Variants in RASA2 observed in about 807,000 individuals in gnomAD.
RASA2 encodes ras GTPase-activating protein 2.
RASA2 carries 155 observed loss-of-function variants against 118.2 expected under a neutral mutation model. The observed-to-expected ratio is 1.31, with a 90% CI of 1.15 to 1.50. The LOEUF is 1.50. RASA2 is among the 40% of genes most tolerant of loss of function. The pLI is 0.00. For missense variants in RASA2, 1,016 were observed against 1,009.6 expected (o/e 1.01, Z -0.09); for synonymous variants, 353 against 349.1 (o/e 1.01, Z -0.12).
chr3:141,554,029 A>G, intron 6 of RASA2, 89 bp downstream of exon 6: 1 of 1,491,638 alleles, frequency 6.7e-7, no homozygotes, highest in Non-Finnish European at 8.9e-7. Flanking sequence ...CAAATGATAA[A>G]TAGCTATTTA....
chr3:141,496,418 A>C (rs1483801330), intron 1 of RASA2, among the ~76,000 whole-genome samples: 1 of 152,254 alleles, frequency 6.6e-6, no homozygotes, highest in African/African-American at 2.4e-5. Context: ...CAATCTACTC[A>C]TCTGACAAAG....
intron 19 of RASA2, among the ~76,000 whole-genome samples, chr3:141,606,729 A>G (rs1294265752): frequency 6.6e-6 from 1 of 152,174 alleles, no homozygotes; most frequent in Non-Finnish European, 1.5e-5. Flanking sequence ...AGACAAAAAA[A>G]AAAGAAACAT....
intron 17 of RASA2, among the ~76,000 whole-genome samples, chr3:141,582,888 A>T (rs978244508): frequency 1.3e-5 from 2 of 152,244 alleles, no homozygotes; most frequent in Non-Finnish European, 2.9e-5. Flanking sequence ...CAGAGTTTAG[A>T]AAGGATAACC....
At chr3:141,500,330 T>C (rs900842875) in intron 1 of RASA2, among the ~76,000 whole-genome samples, 4 of 152,252 alleles carry the variant, frequency 2.6e-5, no homozygotes, top group Non-Finnish European at 4.4e-5. Flanking sequence ...ACAGTTCTTC[T>C]CTTCCTTTCT....
At chr3:141,598,250 T>C (rs1294221586) in intron 19 of RASA2, among the ~76,000 whole-genome samples, 4 of 152,194 alleles carry the variant, frequency 2.6e-5, no homozygotes, top group African/African-American at 9.6e-5. Context: ...AAAAAATACA[T>C]ATAATGAATT....
rs1314080208 is a variant in RASA2 at position 141,607,544 on chromosome 3, T to C, written c.1934-134T>C. 3.0e-5 allele frequency: 27 copies of C among 889,914 alleles called. 1 individual carries two copies. Among genetic ancestry groups the C allele is most frequent in the Non-Finnish European group, 4.1e-5 (27 of 656,094 alleles). 55.1% of individuals were successfully genotyped at this position (889,914 alleles called of 1,614,324 possible). ...GAAACAAATATTTATATATATGCCA[T>C]TTGTAAGTCTTCTGTAGGTTATTTA... On this transcript the variant is annotated intron_variant, in intron 19 of 23. Transcript: ENST00000286364.
Position 141,570,994 on chromosome 3 carries a change from A to G in RASA2, c.946A>G (p.Thr316Ala), listed in dbSNP as rs762525788. The G allele has an allele frequency of 8.1e-6, 13 of 1,612,566 alleles. No homozygotes were observed. Among genetic ancestry groups the G allele is most frequent in the Middle Eastern group, 1.6e-4 (1 of 6,080 alleles). Residue 316 changes from threonine to alanine, a missense_variant, in exon 10 of 24, where the codon ACA becomes GCA. Around this residue, in one of 2 missense-constraint regions of RASA2, gnomAD observed 896 missense variants for 836.4 expected, o/e 1.07. Transcript: ENST00000286364. ...LGSLRLNICY[T>A]EDYVLPSEYY... ...GTCTCTTCGATTAAATATATGTTAT[A>G]CAGAAGACTACGTGCTTCCTTCAGA...
chr3:141,573,250 G>T, intron 13 of RASA2, 29 bp downstream of exon 13: 1 of 1,525,130 alleles, frequency 6.6e-7, no homozygotes, highest in African/African-American at 1.5e-5. Flanking sequence ...ATTTATAATT[G>T]CATTAAAATT....
In RASA2 at chr3:141,559,995, G is replaced by A; in HGVS notation, c.863G>A (p.Trp288Ter). ...AGAACTGATTCCTCTCATCAAGCCT[G>A]GTAAGGGCCCAGCATTTTAGTGAAC... Reference protein sequence around the residue: ...VLRTDSSHQAWYLLQPRDNGN... With the variant: ...VLRTDSSHQA Residue 288 changes from tryptophan to a stop codon, truncating the protein, a stop_gained and splice_region_variant, in exon 9 of 24, where the codon TGG becomes TAG. Transcript: ENST00000286364. LOFTEE classifies it high-confidence loss of function. 6.2e-7 allele frequency: 1 copy of A among 1,609,826 alleles called. No individual in the cohort carries two copies.
At chr3:141,510,516 A>G (rs555151119) in intron 1 of RASA2, among the ~76,000 whole-genome samples, 7 of 152,372 alleles carry the variant, frequency 4.6e-5, no homozygotes, top group African/African-American at 1.7e-4. Context: ...CAAAAAATAA[A>G]CACTGAATTA....
intron 7 of RASA2, among the ~76,000 whole-genome samples, chr3:141,556,664 G>T (rs932509962): frequency 6.6e-6 from 1 of 151,990 alleles, no homozygotes; most frequent in Non-Finnish European, 1.5e-5. Context: ...CTCTCAAAAA[G>T]ATTGTATTCT....
intron 4 of RASA2, among the ~76,000 whole-genome samples, chr3:141,530,390 T>G (rs1448571971): frequency 6.6e-6 from 1 of 152,146 alleles, no homozygotes; most frequent in Non-Finnish European, 1.5e-5. Context: ...TGTTTAGCCA[T>G]GTAGCTGAAG....
intron 12 of RASA2, among the ~76,000 whole-genome samples, 158 bp from the exon 13 acceptor site, chr3:141,572,989 T>G (rs2151131267): frequency 6.6e-6 from 1 of 152,354 alleles, no homozygotes; most frequent in South Asian, 2.1e-4. Flanking sequence ...TGATATCATG[T>G]TTTAAGAAAA....
At chr3:141,517,014 C>G (rs1173985683) in intron 3 of RASA2, among the ~76,000 whole-genome samples, 1 of 151,936 alleles carries the variant, frequency 6.6e-6, no homozygotes, top group Non-Finnish European at 1.5e-5. Context: ...AGGAAATCCA[C>G]CTGCCTCGGC....
chr3:141,608,755 G>C, intron 21 of RASA2, 58 bp downstream of exon 21: 1 of 1,505,604 alleles, frequency 6.6e-7, no homozygotes, highest in Non-Finnish European at 9.2e-7. Flanking sequence ...TCCATGCAAT[G>C]TTAATATTAT....
intron 9 of RASA2, among the ~76,000 whole-genome samples, chr3:141,565,411 A>G (rs56819102): frequency 0.013 from 1,995 of 152,298 alleles, 33 homozygotes; most frequent in African/African-American, 0.046. Flanking sequence ...TCAACCAGCT[A>G]AACTTCCTGA....
intron 19 of RASA2, among the ~76,000 whole-genome samples, chr3:141,603,507 A>G (rs1213826246): frequency 6.6e-6 from 1 of 151,962 alleles, no homozygotes; most frequent in African/African-American, 2.4e-5. Flanking sequence ...GGAGGTGGAG[A>G]TTGCAGTGAG....
intron 1 of RASA2, among the ~76,000 whole-genome samples, chr3:141,509,506 A>G (rs2081918277): frequency 6.6e-6 from 1 of 152,248 alleles, no homozygotes. Flanking sequence ...CATATTTATT[A>G]TGGAGCATAT....
At chr3:141,499,205 G>A (rs755510025) in intron 1 of RASA2, among the ~76,000 whole-genome samples, 11 of 152,222 alleles carry the variant, frequency 7.2e-5, no homozygotes, top group African/African-American at 2.6e-4. Flanking sequence ...AACTAGCCCC[G>A]ATTATGTTCT....
Sources: gnomAD v4.1 joint callset for allele counts (sites outside exome capture counted in the v4.1 genomes callset) on GRCh38, gnomAD v4.1.1 for gene constraint, gnomAD v4.1.1 regional missense constraint, MANE v1.5 for transcripts, NCBI Gene and HGNC (gene_info 2026-07-23, HGNC 2026-07-21) for gene names.